The following VPS9D1 variants were observed in gnomAD, a reference collection of about 807,000 sequenced individuals.
The protein encoded by VPS9D1 is VPS9 domain-containing protein 1.
VPS9D1 carries 78 observed loss-of-function variants against 75.8 expected under a neutral mutation model. The observed-to-expected ratio is 1.03, with a 90% CI of 0.86 to 1.24. VPS9D1 has a LOEUF of 1.24. Ranked by LOEUF, VPS9D1 falls within the 50% of genes most tolerant of loss-of-function variation. The probability of loss-of-function intolerance (pLI) is 0.00; values close to 1 mark genes in which losing one functional copy is unlikely to be tolerated. For missense variants in VPS9D1, 1,057 were observed against 847.7 expected (o/e 1.25, Z -3.07); for synonymous variants, 481 against 385.6 (o/e 1.25, Z -2.90).
chr16:89,719,400 C>T, intron 1 of VPS9D1: 3 of 528,456 alleles, frequency 5.7e-6, no homozygotes, highest in East Asian at 4.7e-5. Context: ...CTCTCCAGCA[C>T]AGGAACTGAT....
Position 89,708,914 on chromosome 16 carries a change from C to T in VPS9D1, c.1640G>A (p.Cys547Tyr). The T allele has an allele frequency of 1.9e-6, 3 of 1,600,992 alleles. No homozygotes were observed. The highest frequency in any genetic ancestry group is 2.6e-6 in the Non-Finnish European group (3 of 1,176,026). ...RIICVCAEDY[C>Y]PTPEATPQAG... ...CTGGGGTGTGGCCTCTGGGGTGGGG[C>T]AGTAGTCTTCCGCACAGACACAGAT... The change falls in exon 13 of 15, where the codon TGC (cysteine) becomes TAC (tyrosine). Residue 547 changes from cysteine (C) to tyrosine (Y), a missense_variant. Coordinates refer to ENST00000389386, the MANE Select transcript of VPS9D1 (RefSeq NM_004913.3).
chr16:89,708,730 G>T, intron 13 of VPS9D1, 127 bp downstream of exon 13: 1 of 1,169,578 alleles, frequency 8.6e-7, no homozygotes, highest in East Asian at 2.6e-5. Flanking sequence ...GGGCCCACAC[G>T]GCCCTCCTGC....
intron 4 of VPS9D1, among the ~76,000 whole-genome samples, chr16:89,714,955 G>A (rs1032909370): frequency 4.0e-5 from 6 of 151,888 alleles, no homozygotes; most frequent in African/African-American, 1.2e-4. Context: ...GGCTGGTCTT[G>A]AACTCCTGAC....
intron 2 of VPS9D1, chr16:89,717,683 G>T: frequency 2.2e-6 from 1 of 456,448 alleles, no homozygotes; most frequent in Non-Finnish European, 4.4e-6. Context: ...AGACACGGTG[G>T]GCCACTGGAG....
chr16:89,720,763 C>G lies in VPS9D1; in HGVS notation c.99G>C (p.Arg33=). The G allele has an allele frequency of 1.4e-6, 2 of 1,449,938 alleles. No homozygotes were observed. The highest frequency in any genetic ancestry group is 1.8e-6 in the Non-Finnish European group (2 of 1,097,930). The allele number at this position is 1,449,938 out of a possible 1,614,324, so 89.8% of individuals were successfully genotyped here. Residue 33 remains arginine (R), a splice_region_variant and synonymous_variant, in exon 1 of 15, where the codon CGG becomes CGC. Transcript: ENST00000389386. The part of the protein sequence containing the change: ...AIELDTGNRP[R]EAYTEYLRSI... ...AAGCCCCGCCCCCGCCCCGCCTCACCCGGGGCCGGTTGCCGGTGTCCAGCT... is the reference window on the plus strand; with the variant it reads ...AAGCCCCGCCCCCGCCCCGCCTCACGCGGGGCCGGTTGCCGGTGTCCAGCT...
intron 1 of VPS9D1, among the ~76,000 whole-genome samples, chr16:89,720,033 T>G (rs1461979442): frequency 1.3e-5 from 2 of 152,212 alleles, no homozygotes; most frequent in Non-Finnish European, 2.9e-5. Context: ...CTATGTTTTT[T>G]TGTTTTATCC....
intron 6 of VPS9D1, 86 bp downstream of exon 6, chr16:89,712,374 T>A (rs2060952791): frequency 6.3e-7 from 1 of 1,577,640 alleles, no homozygotes; most frequent in Non-Finnish European, 8.6e-7. Flanking sequence ...GAACCTCCGC[T>A]CCCCTCGCTG....
intron 1 of VPS9D1, chr16:89,720,500 C>G (rs553580216): frequency 1.8e-6 from 2 of 1,133,832 alleles, no homozygotes; most frequent in East Asian, 4.5e-5. Context: ...TACATCTCCT[C>G]TACAGGTGGA....
At chr16:89,720,562 G>A (rs770976288) in intron 1 of VPS9D1, 3 of 1,183,356 alleles carry the variant, frequency 2.5e-6, no homozygotes, top group South Asian at 4.1e-5. Flanking sequence ...GCCAAGGTCC[G>A]CAGGATCTGA....
At chr16:89,715,267 C>T (rs2061036263) in intron 4 of VPS9D1, among the ~76,000 whole-genome samples, 1 of 149,498 alleles carries the variant, frequency 6.7e-6, no homozygotes, top group Admixed American at 6.7e-5. Context: ...TGCTCTGTCG[C>T]CCAGGCTGGA....
Position 89,709,251 on chromosome 16 carries a change from G to T in VPS9D1, c.1573C>A (p.Pro525Thr). Residue 525 changes from proline (P) to threonine (T), a missense_variant, in exon 12 of 15, where the codon CCC becomes ACC. Coordinates refer to ENST00000389386, the MANE Select transcript of VPS9D1 (RefSeq NM_004913.3). ...CCTATGCACTCCAGCTTCTTCTGGG[G>T]GCAGCTCTCCAGGACCAGCAGTCCG... is the stretch of plus-strand genomic sequence containing the variant. ...ELGLLVLESC[P>T]QKKLECIVRT... The T allele has an allele frequency of 6.2e-7, 1 of 1,611,800 alleles. No individual in the cohort carries two copies. The highest frequency in any genetic ancestry group is 8.5e-7 in the Non-Finnish European group (1 of 1,179,944).
Position 89,712,040 on chromosome 16 carries a change from G to C in VPS9D1, c.659+7C>G. On this transcript the variant is annotated splice_region_variant and intron_variant, in intron 7 of 14. Coordinates refer to ENST00000389386, the MANE Select transcript of VPS9D1 (RefSeq NM_004913.3). ...GCAGCGGCCCCAGGGGCGGGCAGGA[G>C]TCCCACCTGTTGGCGGCCTCCTGGA... 1 of 1,549,184 alleles carries C rather than the reference G, an allele frequency of 6.5e-7. No individual in the cohort carries two copies. Among genetic ancestry groups the C allele is most frequent in the Non-Finnish European group, 8.7e-7 (1 of 1,146,736 alleles).
intron 14 of VPS9D1, 60 bp from the exon 15 acceptor site, chr16:89,708,014 C>G: frequency 6.5e-7 from 1 of 1,529,390 alleles, no homozygotes; most frequent in Admixed American, 1.7e-5. Context: ...ACCCCCGGCC[C>G]TCCAGAAGGT....
intron 13 of VPS9D1, 103 bp from the exon 14 acceptor site, chr16:89,708,634 T>C (rs1182567986): frequency 5.4e-6 from 7 of 1,295,550 alleles, no homozygotes; most frequent in East Asian, 5.0e-5. Flanking sequence ...GCCATCTCTG[T>C]GCCCTTCTGC....
chr16:89,710,938 G>C lies in VPS9D1; in HGVS notation c.906C>G (p.Ala302=), dbSNP rs1266740391. ...GGGCTGGCGCGGCTGCTCTGCTCAC[G>C]GCGGGATACAGGGCGCTGTACACGG... The part of the protein sequence containing the change: ...QCSVYSALYP[A]VSRAAAPAPG... The change falls in exon 10 of 15, where the codon GCC becomes GCG. Residue 302 remains alanine, a synonymous_variant. Transcript: ENST00000389386. 2 of 1,480,628 alleles carry C rather than the reference G, an allele frequency of 1.4e-6. No homozygotes were observed. Among genetic ancestry groups the C allele is most frequent in the Non-Finnish European group, 1.8e-6 (2 of 1,120,964 alleles). 91.7% of individuals were successfully genotyped at this position (1,480,628 alleles called of 1,614,324 possible).
At chr16:89,711,710 G>T in intron 8 of VPS9D1, 172 bp downstream of exon 8, 1 of 810,062 alleles carries the variant, frequency 1.2e-6, no homozygotes, top group Non-Finnish European at 1.9e-6. Context: ...CCCGCCCCAC[G>T]CAGCCCTGGC....
chr16:89,709,719 G>C, intron 11 of VPS9D1, 58 bp downstream of exon 11: 1 of 1,610,332 alleles, frequency 6.2e-7, no homozygotes. Context: ...CAGGCCTCCT[G>C]GGGGACTGGG....
intron 4 of VPS9D1, among the ~76,000 whole-genome samples, chr16:89,715,266 G>A (rs1166339455): frequency 2.2e-5 from 3 of 137,822 alleles, no homozygotes; most frequent in African/African-American, 8.2e-5. Flanking sequence ...TTGCTCTGTC[G>A]CCCAGGCTGG....
intron 14 of VPS9D1, 90 bp from the exon 15 acceptor site, chr16:89,708,044 C>G: frequency 1.5e-6 from 2 of 1,337,358 alleles, no homozygotes; most frequent in Non-Finnish European, 2.1e-6. Flanking sequence ...CCTCCCAGTT[C>G]AGGACCTGGG....
Sources: allele counts gnomAD v4.1 joint callset (sites outside exome capture counted in the v4.1 genomes callset), GRCh38; gene constraint gnomAD v4.1.1; transcripts MANE v1.5; gene names NCBI Gene and HGNC (gene_info 2026-07-23, HGNC 2026-07-21).